The following ST6GAL1 variants were observed in gnomAD, a reference collection of about 807,000 sequenced individuals.
ST6GAL1 encodes beta-galactoside alpha-2,6-sialyltransferase 1.
A neutral mutation model predicts 38.0 loss-of-function variants in ST6GAL1; 20 were observed. That is an observed-to-expected ratio of 0.53 (90% CI 0.37 to 0.77). The LOEUF (loss-of-function observed/expected upper bound fraction) is 0.77, where lower values mean the gene tolerates loss of function less well. Ranked by LOEUF, ST6GAL1 falls within the 30% of genes least tolerant of loss-of-function variation. The probability of loss-of-function intolerance (pLI) is 0.00; values close to 1 mark genes in which losing one functional copy is unlikely to be tolerated. For synonymous variants in ST6GAL1, 196 were observed against 188.2 expected (o/e 1.04, Z -0.34); for missense variants, 432 against 496.4 (o/e 0.87, Z 1.23).
At chr3:186,991,978 C>T (rs1281799452) in intron 2 of ST6GAL1, among the ~76,000 whole-genome samples, 1 of 152,172 alleles carries the variant, frequency 6.6e-6, no homozygotes, top group African/African-American at 2.4e-5. Flanking sequence ...TCCAGCTGAC[C>T]TCCCATATGG....
intron 6 of ST6GAL1, 105 bp downstream of exon 6, chr3:187,073,052 A>C: frequency 1.2e-6 from 1 of 867,288 alleles, no homozygotes. Context: ...GCTATTCCTA[A>C]AGGCTGGGTA....
chr3:187,035,444 A>G (rs1717897770), intron 2 of ST6GAL1, among the ~76,000 whole-genome samples: 2 of 152,214 alleles, frequency 1.3e-5, no homozygotes. Context: ...ACAAATAACT[A>G]AAGCAATCCT....
At chr3:186,987,033 G>A (rs1327804404) in intron 2 of ST6GAL1, among the ~76,000 whole-genome samples, 1 of 152,062 alleles carries the variant, frequency 6.6e-6, no homozygotes, top group Non-Finnish European at 1.5e-5. Context: ...GGCAAATGAT[G>A]TAATGTTCAC....
At chr3:186,945,144 C>A (rs564561055) in intron 1 of ST6GAL1, among the ~76,000 whole-genome samples, 1 of 152,018 alleles carries the variant, frequency 6.6e-6, no homozygotes, top group South Asian at 2.1e-4. Context: ...CATAGCGAGA[C>A]CCTAATGAAA....
chr3:187,017,647 A>G (rs1300487313), intron 2 of ST6GAL1, among the ~76,000 whole-genome samples: 1 of 152,184 alleles, frequency 6.6e-6, no homozygotes, highest in African/African-American at 2.4e-5. Context: ...GAGCGAGGTA[A>G]ACAGTTGTTG....
intron 3 of ST6GAL1, chr3:187,042,096 T>A (rs1483604017): frequency 6.5e-6 from 1 of 152,682 alleles, no homozygotes; most frequent in Non-Finnish European, 1.5e-5. Flanking sequence ...ATCAGAAATC[T>A]ATGGCATCAT....
intron 2 of ST6GAL1, among the ~76,000 whole-genome samples, chr3:186,994,880 G>A (rs888317729): frequency 2.0e-5 from 3 of 151,756 alleles, no homozygotes; most frequent in African/African-American, 7.3e-5. Flanking sequence ...GGCGGAGGTT[G>A]TAGTGAGCCA....
At chr3:186,948,649 C>T (rs1408949585) in intron 1 of ST6GAL1, 1 of 152,254 alleles carries the variant, frequency 6.6e-6, no homozygotes, top group African/African-American at 2.4e-5. Flanking sequence ...CCTTATCTCA[C>T]TGGTCTCTCT....
At chr3:186,950,248 C>G (rs1192908937) in intron 1 of ST6GAL1, among the ~76,000 whole-genome samples, 1 of 152,210 alleles carries the variant, frequency 6.6e-6, no homozygotes, top group Admixed American at 6.5e-5. Flanking sequence ...TAAGGGAGGG[C>G]AGAGCTAACA....
At chr3:186,995,248 C>T (rs1184030307) in intron 2 of ST6GAL1, among the ~76,000 whole-genome samples, 1 of 152,042 alleles carries the variant, frequency 6.6e-6, no homozygotes, top group Non-Finnish European at 1.5e-5. Context: ...GTGGCTCACG[C>T]CTGTAATCCC....
At chr3:186,942,708 C>T (rs1714220494) in intron 1 of ST6GAL1, among the ~76,000 whole-genome samples, 1 of 152,122 alleles carries the variant, frequency 6.6e-6, no homozygotes, top group East Asian at 1.9e-4. Context: ...TGCTGTGTGC[C>T]TGGCCCTGAT....
chr3:186,933,520 G>A (rs1713835200), intron 1 of ST6GAL1, among the ~76,000 whole-genome samples: 1 of 152,192 alleles, frequency 6.6e-6, no homozygotes. Context: ...CACAGGTGGG[G>A]CATTGCTGGC....
chr3:187,034,916 A>C lies in ST6GAL1; in HGVS notation c.-182-3826A>C, dbSNP rs1717877370. 1.3e-5 allele frequency among the ~76,000 whole-genome samples: 2 copies of C among 152,220 alleles called. 1 individual carries two copies. The highest frequency in any genetic ancestry group is 4.1e-4 in the South Asian group (2 of 4,832). On this transcript the variant is annotated intron_variant, in intron 2 of 7. Coordinates refer to ENST00000169298, the MANE Select transcript of ST6GAL1 (RefSeq NM_173216.2). ...GAAGTGCTGTCCAGAGCAATCAAAC[A>C]AGAAAAAGAAATAAAAGGCATCCAA...
chr3:187,071,129 C>T (rs1719355421), intron 5 of ST6GAL1, among the ~76,000 whole-genome samples: 1 of 152,184 alleles, frequency 6.6e-6, no homozygotes, highest in Non-Finnish European at 1.5e-5. Flanking sequence ...GATTAGGTCT[C>T]AGCCTTGGCG....
intron 2 of ST6GAL1, chr3:187,024,763 G>C (rs1717467937): frequency 6.6e-6 from 1 of 152,020 alleles, no homozygotes; most frequent in African/African-American, 2.4e-5. Context: ...GTAAGGGAGC[G>C]AGGAACTCTT....
rs771612267 is a variant in ST6GAL1, at chr3:187,075,523, G to C, written c.980-39G>C. 1 of 1,606,148 alleles carries C rather than the reference G, an allele frequency of 6.2e-7. No individual in the cohort carries two copies. The highest frequency in any genetic ancestry group is 8.5e-7 in the Non-Finnish European group (1 of 1,174,222). ...GGGCAGAGCTCTGGGGTGCTGGGGT[G>C]GGTTGTCAGGCATGACTCACCTCTG... On this transcript the variant is annotated intron_variant, in intron 7 of 7. Transcript: ENST00000169298. This position sits in a 1 kb window ranked among gnomAD's most constrained non-coding sequence, Gnocchi z 4.1.
intron 2 of ST6GAL1, among the ~76,000 whole-genome samples, chr3:186,965,815 G>T (rs1715091752): frequency 6.6e-6 from 1 of 152,218 alleles, no homozygotes; most frequent in Non-Finnish European, 1.5e-5. Flanking sequence ...AAGTCCCAGT[G>T]TACTTCCTGA....
intron 5 of ST6GAL1, among the ~76,000 whole-genome samples, chr3:187,053,505 C>T (rs113040886): frequency 6.6e-6 from 1 of 152,164 alleles, no homozygotes; most frequent in Non-Finnish European, 1.5e-5. Context: ...CCAGTTTCAG[C>T]TTTCTACATA....
intron 2 of ST6GAL1, among the ~76,000 whole-genome samples, chr3:186,974,702 A>G (rs1050920120): frequency 4.8e-5 from 7 of 145,924 alleles, no homozygotes; most frequent in Admixed American, 1.4e-4. Context: ...AATTAATTCA[A>G]TTAGTATTTA....
Sources: allele counts gnomAD v4.1 joint callset (sites outside exome capture counted in the v4.1 genomes callset), GRCh38; gene constraint gnomAD v4.1.1; non-coding constraint Gnocchi (gnomAD v3.1); transcripts MANE v1.5; gene names NCBI Gene and HGNC (gene_info 2026-07-23, HGNC 2026-07-21).